EYS: variants seen among roughly 807,000 people sequenced by gnomAD.
EYS encodes protein eyes shut homolog.
Under a neutral mutation model 282.1 loss-of-function variants are expected in EYS, and 250 were observed. The ratio of observed to expected loss-of-function variants is 0.89; its 90% CI spans 0.80 to 0.98. The LOEUF (loss-of-function observed/expected upper bound fraction) is 0.98, where lower values mean the gene tolerates loss of function less well. Among genes scored for constraint, EYS ranks in the 50% least tolerant of loss-of-function variants. EYS has a pLI of 0.00. For missense variants in EYS, 4,016 were observed against 3,709.0 expected (o/e 1.08, Z -2.15); for synonymous variants, 1,355 against 1,282.9 (o/e 1.06, Z -1.20).
At chr6:64,096,158 G>A (rs1385750077) in intron 31 of EYS, among the ~76,000 whole-genome samples, 3 of 152,186 alleles carry the variant, frequency 2.0e-5, no homozygotes, top group South Asian at 2.1e-4. Flanking sequence ...TGGGTAACCC[G>A]ACCTTTCTCT....
At chr6:65,252,293 C>T (rs1322079055) in intron 12 of EYS, among the ~76,000 whole-genome samples, 1 of 151,856 alleles carries the variant, frequency 6.6e-6, no homozygotes, top group East Asian at 1.9e-4. Flanking sequence ...TTTTATTCAG[C>T]ATACCAAAGA....
intron 35 of EYS, among the ~76,000 whole-genome samples, chr6:63,871,432 G>C (rs1772801235): frequency 6.6e-6 from 1 of 152,112 alleles, no homozygotes; most frequent in Admixed American, 6.6e-5. Context: ...AGGCTGAGGT[G>C]GGCAGATCAC....
chr6:64,126,423 T>C (rs1485337710), intron 31 of EYS, among the ~76,000 whole-genome samples: 1 of 151,988 alleles, frequency 6.6e-6, no homozygotes, highest in Non-Finnish European at 1.5e-5. Context: ...ATTTGTGCAC[T>C]TTCTGTGACT....
chr6:64,768,787 G>T (rs1179407260), intron 22 of EYS, among the ~76,000 whole-genome samples: 1 of 152,120 alleles, frequency 6.6e-6, no homozygotes, highest in Non-Finnish European at 1.5e-5. Flanking sequence ...CTGACTGCTA[G>T]ATCATCCCTT....
chr6:64,836,296 T>TTA (rs557823141), intron 19 of EYS, among the ~76,000 whole-genome samples: 3,915 of 149,652 alleles, frequency 0.026, 168 homozygotes, highest in African/African-American at 0.086. Flanking sequence ...ATGATTTATT[T>TTA]TATATATATA....
chr6:64,942,956 C>T (rs1475303051), intron 15 of EYS, among the ~76,000 whole-genome samples: 1 of 151,804 alleles, frequency 6.6e-6, no homozygotes, highest in East Asian at 1.9e-4. Flanking sequence ...GCCAATACAC[C>T]TTATGACCCT....
intron 14 of EYS, among the ~76,000 whole-genome samples, chr6:64,979,969 C>A (rs551154976): frequency 6.6e-6 from 1 of 151,570 alleles, no homozygotes; most frequent in East Asian, 1.9e-4. Flanking sequence ...AAGTGATGCA[C>A]AATCCTTGGA....
At chr6:64,547,256 A>G (rs1383831734) in intron 26 of EYS, among the ~76,000 whole-genome samples, 3 of 152,138 alleles carry the variant, frequency 2.0e-5, no homozygotes, top group Admixed American at 6.5e-5. Flanking sequence ...TGGCTCTGGC[A>G]GACTGCTTTT....
At chr6:64,772,852 TATGTAGTTCTCAGG>T (rs1773564859) in intron 22 of EYS, among the ~76,000 whole-genome samples, 1 of 151,842 alleles carries the variant, frequency 6.6e-6, no homozygotes, top group Non-Finnish European at 1.5e-5. Flanking sequence ...GTTCTGTTGG[TATGTAGTTCTCAGG>T]ATACCTGCGT....
chr6:64,053,277 TAA>T (rs1273048053), intron 33 of EYS, among the ~76,000 whole-genome samples: 4 of 151,986 alleles, frequency 2.6e-5, no homozygotes, highest in Non-Finnish European at 4.4e-5. Context: ...AACTAGAAAA[TAA>T]AAGTTTTAGA....
At chr6:65,104,468 GTC>G (rs1774977965) in intron 12 of EYS, among the ~76,000 whole-genome samples, 1 of 151,310 alleles carries the variant, frequency 6.6e-6, no homozygotes, top group South Asian at 2.1e-4. Flanking sequence ...GTTGCTTCAA[GTC>G]TCTCTTACTC....
chr6:64,449,928 C>T (rs571286663), intron 26 of EYS, among the ~76,000 whole-genome samples: 1 of 152,214 alleles, frequency 6.6e-6, no homozygotes, highest in South Asian at 2.1e-4. Context: ...ACCGTCAAGG[C>T]TAGGAAGAAA....
At chr6:64,295,589 T>C (rs9444703) in intron 30 of EYS, among the ~76,000 whole-genome samples, 1,674 of 14,964 alleles carry the variant, frequency 0.11, 637 homozygotes, top group African/African-American at 0.42. Flanking sequence ...ATTAGCCGGG[T>C]GCAGTGGCGG....
chr6:65,145,789 A>G (rs921275274), intron 12 of EYS, among the ~76,000 whole-genome samples: 30 of 151,936 alleles, frequency 2.0e-4, no homozygotes, highest in Non-Finnish European at 2.2e-4. Flanking sequence ...TTTTCTCTGC[A>G]GGAAAAAAGA....
intron 2 of EYS, among the ~76,000 whole-genome samples, chr6:65,615,141 C>T (rs1246710940): frequency 2.6e-5 from 4 of 152,004 alleles, no homozygotes; most frequent in African/African-American, 7.2e-5. Context: ...TAATTGAATT[C>T]GAATAATTAT....
intron 12 of EYS, among the ~76,000 whole-genome samples, chr6:65,229,672 A>G (rs1023435171): frequency 6.6e-6 from 1 of 151,938 alleles, no homozygotes; most frequent in African/African-American, 2.4e-5. Context: ...TACTCTTTCT[A>G]AGACTGGAGC....
intron 18 of EYS, among the ~76,000 whole-genome samples, chr6:64,889,505 G>A (rs1474059415): frequency 6.6e-6 from 1 of 151,904 alleles, no homozygotes; most frequent in African/African-American, 2.4e-5. Context: ...ATTGTTGCGG[G>A]AAGTCAGGGA....
intron 2 of EYS, among the ~76,000 whole-genome samples, chr6:65,595,581 G>C (rs1259211437): frequency 6.6e-6 from 1 of 151,344 alleles, no homozygotes; most frequent in African/African-American, 2.4e-5. Flanking sequence ...GGACCATTTG[G>C]AATCTAAGGA....
intron 12 of EYS, among the ~76,000 whole-genome samples, chr6:65,092,414 G>GA: frequency 6.6e-6 from 1 of 152,250 alleles, no homozygotes; most frequent in Non-Finnish European, 1.5e-5. Context: ...ACCAGCGCCT[G>GA]AAAATCAAAT....
Sources: gnomAD v4.1 joint callset for allele counts (sites outside exome capture counted in the v4.1 genomes callset) on GRCh38, gnomAD v4.1.1 for gene constraint, MANE v1.5 for transcripts, NCBI Gene and HGNC (gene_info 2026-07-23, HGNC 2026-07-21) for gene names.